Variants in MLLT10 observed in about 807,000 individuals in gnomAD.
The protein encoded by MLLT10 is protein AF-10.
A neutral mutation model predicts 129.1 loss-of-function variants in MLLT10; 30 were observed. The observed-to-expected ratio is 0.23, with a 90% confidence interval of 0.17 to 0.32. The LOEUF (loss-of-function observed/expected upper bound fraction) is 0.32. Ranked by LOEUF, MLLT10 falls within the 10% of genes least tolerant of loss-of-function variation. The pLI, the probability that MLLT10 is intolerant of heterozygous loss-of-function variation, is 1.00. For synonymous variants in MLLT10, 490 were observed against 446.4 expected (o/e 1.10, Z -1.23); for missense variants, 1,119 against 1,268.3 (o/e 0.88, Z 1.79).
chr10:21,594,274 A>G (rs892478966), intron 4 of MLLT10, among the ~76,000 whole-genome samples: 29 of 151,866 alleles, frequency 1.9e-4, no homozygotes, highest in African/African-American at 6.8e-4. Flanking sequence ...CTTCAGGCTG[A>G]GCGTGGTGCT....
At chr10:21,677,756 A>G (rs1245522712) in intron 11 of MLLT10, among the ~76,000 whole-genome samples, 5 of 151,704 alleles carry the variant, frequency 3.3e-5, no homozygotes, top group Non-Finnish European at 7.3e-5. Flanking sequence ...GTTGTTTTTC[A>G]TGATGCTGTT....
At chr10:21,697,202 C>T (rs1456587873) in intron 13 of MLLT10, among the ~76,000 whole-genome samples, 2 of 151,282 alleles carry the variant, frequency 1.3e-5, no homozygotes, top group Non-Finnish European at 2.9e-5. Context: ...CATGGTGGCT[C>T]ATGCCTGTAA....
chr10:21,730,638 G>A (rs1450454498), intron 16 of MLLT10, among the ~76,000 whole-genome samples: 1 of 152,120 alleles, frequency 6.6e-6, no homozygotes, highest in Non-Finnish European at 1.5e-5. Context: ...ATTGTTGGTG[G>A]TGTGTTTATA....
At chr10:21,538,651 T>C (rs2034535785) in intron 2 of MLLT10, among the ~76,000 whole-genome samples, 182 bp from the exon 3 acceptor site, 1 of 152,106 alleles carries the variant, frequency 6.6e-6, no homozygotes, top group South Asian at 2.1e-4. Context: ...GCATTTAAAA[T>C]TTTTACTTGT....
In MLLT10 at chr10:21,649,966, A is replaced by T. The variant is rs1474546218; in HGVS notation, c.700-1707A>T. On this transcript the variant is annotated intron_variant, in intron 8 of 22. Coordinates refer to ENST00000307729, the MANE Select transcript of MLLT10 (RefSeq NM_001195626.3). ...CTGCCACAATCAAAATAACTTTAGG[A>T]TAAAAATGTTTCCTAAAAAGTCTGA... Among the ~76,000 whole-genome samples, 3 of 152,208 alleles carry T rather than the reference A, an allele frequency of 2.0e-5. No individual in the cohort carries two copies. The East Asian group carries it at 5.8e-4, about 29-fold the overall frequency.
chr10:21,538,321 G>A (rs1431597120), intron 2 of MLLT10, among the ~76,000 whole-genome samples: 4 of 151,886 alleles, frequency 2.6e-5, no homozygotes, highest in Non-Finnish European at 4.4e-5. Flanking sequence ...GTGCCACCAC[G>A]CCTGGCTAAT....
chr10:21,572,861 T>G (rs2040357555), intron 3 of MLLT10, among the ~76,000 whole-genome samples: 1 of 152,204 alleles, frequency 6.6e-6, no homozygotes, highest in African/African-American at 2.4e-5. Flanking sequence ...TCTGCCTGTT[T>G]CGGCCTTCCA....
rs745724884 is a variant in MLLT10, at chr10:21,670,401, A to G, written c.796-48A>G. 7 of 1,535,010 alleles carry G rather than the reference A, an allele frequency of 4.6e-6. No individual in the cohort carries two copies. The East Asian group carries it at 6.8e-5, about 15-fold the overall frequency. On this transcript the variant is annotated intron_variant, in intron 9 of 22. Transcript: ENST00000307729. ...GTGGCACCCATTGTTTTCTGTAACT[A>G]AAATGTAATCAACTCTTTTTCCTTC... is the stretch of plus-strand genomic sequence containing the variant.
At chr10:21,567,256 C>T (rs1454154661) in intron 3 of MLLT10, among the ~76,000 whole-genome samples, 1 of 152,150 alleles carries the variant, frequency 6.6e-6, no homozygotes, top group East Asian at 1.9e-4. Flanking sequence ...GTTGGTGCCA[C>T]TTTGTTAAGC....
chr10:21,571,559 T>C (rs2040208563), intron 3 of MLLT10, among the ~76,000 whole-genome samples: 1 of 152,256 alleles, frequency 6.6e-6, no homozygotes, highest in African/African-American at 2.4e-5. Flanking sequence ...TCCAATATCT[T>C]CAGTGCTGTT....
At chr10:21,542,148 TAATG>T (rs1356121985) in intron 3 of MLLT10, among the ~76,000 whole-genome samples, 4 of 152,160 alleles carry the variant, frequency 2.6e-5, no homozygotes, top group Admixed American at 6.5e-5. Context: ...AGAGAGAAGA[TAATG>T]AATAGGGAGT....
At chr10:21,709,484 G>A (rs568082639) in intron 13 of MLLT10, among the ~76,000 whole-genome samples, 1 of 152,260 alleles carries the variant, frequency 6.6e-6, no homozygotes, top group Non-Finnish European at 1.5e-5. Flanking sequence ...ACCTGCCTCG[G>A]CCTTCCGAAG....
intron 17 of MLLT10, among the ~76,000 whole-genome samples, chr10:21,731,457 G>C (rs200148137): frequency 6.6e-6 from 1 of 151,962 alleles, no homozygotes; most frequent in East Asian, 1.9e-4. Flanking sequence ...TTGGTACTTT[G>C]TGTCTCCACT....
At chr10:21,551,459 A>G (rs1227584711) in intron 3 of MLLT10, among the ~76,000 whole-genome samples, 1 of 151,882 alleles carries the variant, frequency 6.6e-6, no homozygotes, top group Non-Finnish European at 1.5e-5. Context: ...TAAATTCAGC[A>G]TAATATCGTA....
At chr10:21,657,408 A>AT (rs2049715337) in intron 9 of MLLT10, among the ~76,000 whole-genome samples, 1 of 151,590 alleles carries the variant, frequency 6.6e-6, no homozygotes, top group Non-Finnish European at 1.5e-5. Context: ...AAAAAAAAAA[A>AT]AAAAAAAAGG....
rs56251923 is a variant in MLLT10 at position 21,562,330 on chromosome 10, T to G, written c.240+23418T>G. Among the ~76,000 whole-genome samples, 869 of 147,622 alleles carry G rather than the reference T, an allele frequency of 5.9e-3. 9 individuals are homozygous for G. Among genetic ancestry groups the G allele is most frequent in the African/African-American group, 0.021 (825 of 39,364 alleles). On this transcript the variant is annotated intron_variant, in intron 3 of 22. Coordinates refer to ENST00000307729, the MANE Select transcript of MLLT10 (RefSeq NM_001195626.3). The stretch of plus-strand genomic sequence containing the variant: ...GATTGCTTTTTTTTATTTTTGTTTT[T>G]TTATTTATTTATTTATTTTTTTTTG...
At chr10:21,552,910 T>C (rs2037319574) in intron 3 of MLLT10, among the ~76,000 whole-genome samples, 1 of 151,958 alleles carries the variant, frequency 6.6e-6, no homozygotes, top group Admixed American at 6.6e-5. Flanking sequence ...CCCTTGTCTT[T>C]CCTCCCCCTT....
intron 11 of MLLT10, among the ~76,000 whole-genome samples, chr10:21,678,004 T>A (rs1589597808): frequency 6.6e-6 from 1 of 152,364 alleles, no homozygotes; most frequent in East Asian, 1.9e-4. Context: ...CGTGAGTGTA[T>A]GTCATGTGGT....
chr10:21,704,121 T>G (rs2131482908), intron 13 of MLLT10, among the ~76,000 whole-genome samples: 1 of 142,594 alleles, frequency 7.0e-6, no homozygotes, highest in South Asian at 2.3e-4. Context: ...GTGATTCTCC[T>G]GCTTCAGCCT....
Sources: gnomAD v4.1 joint callset for allele counts (sites outside exome capture counted in the v4.1 genomes callset) on GRCh38, gnomAD v4.1.1 for gene constraint, MANE v1.5 for transcripts, NCBI Gene and HGNC (gene_info 2026-07-23, HGNC 2026-07-21) for gene names.